The following LAMA2 variants were observed in gnomAD, a reference collection of about 807,000 sequenced individuals.
LAMA2 encodes the protein laminin subunit alpha 2.
In LAMA2, 269 loss-of-function variants were observed where a neutral mutation model predicts 364.8. That is an observed-to-expected ratio of 0.74 (90% CI 0.67 to 0.82). The LOEUF is 0.82. LAMA2 is among the 40% of genes least tolerant of loss of function. LAMA2 has a pLI of 0.00. For synonymous variants in LAMA2, 1,379 were observed against 1,370.6 expected (o/e 1.01, Z -0.14); for missense variants, 3,807 against 3,873.2 (o/e 0.98, Z 0.45).
chr6:129,497,653 T>TCTC (rs149961498), intron 58 of LAMA2, among the ~76,000 whole-genome samples: 4,373 of 152,282 alleles, frequency 0.029, 126 homozygotes, highest in African/African-American at 0.071. Context: ...ACAGAAAAGA[T>TCTC]CTATTCTCAG....
chr6:129,207,556 G>C (rs1223906838), intron 12 of LAMA2, among the ~76,000 whole-genome samples: 1 of 152,032 alleles, frequency 6.6e-6, no homozygotes, highest in Non-Finnish European at 1.5e-5. Flanking sequence ...GATCAATAGT[G>C]TAAGAATCAT....
chr6:129,364,471 A>C (rs1777647231), intron 32 of LAMA2, among the ~76,000 whole-genome samples: 2 of 151,262 alleles, frequency 1.3e-5, no homozygotes, highest in Non-Finnish European at 2.9e-5. Flanking sequence ...ATGAGAGTAT[A>C]TTATAAATGC....
chr6:129,178,636 T>C (rs1355005216), intron 10 of LAMA2, among the ~76,000 whole-genome samples: 3 of 152,172 alleles, frequency 2.0e-5, no homozygotes, highest in East Asian at 1.9e-4. Context: ...ACCATACTTA[T>C]GTAAAAATGA....
chr6:129,057,649 A>T (rs973221134), intron 2 of LAMA2, among the ~76,000 whole-genome samples: 8 of 152,176 alleles, frequency 5.3e-5, no homozygotes, highest in Non-Finnish European at 1.2e-4. Flanking sequence ...ATCAGAGATG[A>T]CACATAATGT....
Position 129,234,604 on chromosome 6 carries a change from A to G in LAMA2, c.1783-15508A>G, listed in dbSNP as rs1308809407. On this transcript the variant is annotated intron_variant, in intron 12 of 64. Coordinates refer to ENST00000421865, the MANE Select transcript of LAMA2 (RefSeq NM_000426.4). The stretch of plus-strand genomic sequence containing the variant: ...TTAAATTGAATAAGTAAATTTCATT[A>G]AAAACAAAATATTTATTTGGGGGTA... Among the ~76,000 whole-genome samples, 6 of 152,330 alleles carry G rather than the reference A, an allele frequency of 3.9e-5. No homozygotes were observed. The South Asian group carries it at 1.2e-3, about 32-fold the overall frequency.
chr6:129,459,246 A>T (rs1239301464), intron 48 of LAMA2, among the ~76,000 whole-genome samples: 3 of 152,124 alleles, frequency 2.0e-5, no homozygotes, highest in African/African-American at 7.2e-5. Flanking sequence ...ACCTAAACAT[A>T]AACAAGGTAC....
At chr6:128,950,069 T>A (rs1022734487) in intron 1 of LAMA2, among the ~76,000 whole-genome samples, 4 of 152,186 alleles carry the variant, frequency 2.6e-5, no homozygotes, top group Non-Finnish European at 5.9e-5. Flanking sequence ...TCAAATATTG[T>A]TTAAGTACTT....
intron 55 of LAMA2, among the ~76,000 whole-genome samples, chr6:129,481,888 TCATCC>T (rs1170783406): frequency 8.5e-5 from 13 of 152,316 alleles, no homozygotes; most frequent in South Asian, 8.3e-4. Flanking sequence ...TGGGCCTGAC[TCATCC>T]CATCCTCTCT....
chr6:129,461,365 CTT>C (rs1421723854), intron 49 of LAMA2, among the ~76,000 whole-genome samples: 1 of 152,004 alleles, frequency 6.6e-6, no homozygotes, highest in African/African-American at 2.4e-5. Flanking sequence ...ACTTCCAACT[CTT>C]TGTTTCTTTT....
chr6:128,883,479 C>A, intron 1 of LAMA2, 122 bp downstream of exon 1: 1 of 1,487,484 alleles, frequency 6.7e-7, no homozygotes, highest in Non-Finnish European at 9.1e-7. Flanking sequence ...AGAGAGTGCG[C>A]TCTGGGGCAA....
intron 48 of LAMA2, 88 bp downstream of exon 48, chr6:129,456,582 G>T (rs1178421579): frequency 6.5e-6 from 8 of 1,229,192 alleles, no homozygotes; most frequent in Non-Finnish European, 9.6e-6. Context: ...ATAAAGCTCT[G>T]TAAAACTTGA....
chr6:129,176,043 A>G (rs1780568850), intron 9 of LAMA2, among the ~76,000 whole-genome samples: 1 of 151,890 alleles, frequency 6.6e-6, no homozygotes, highest in African/African-American at 2.4e-5. Flanking sequence ...TATTTTTAAA[A>G]TAATGGACTA....
At chr6:129,004,514 G>A (rs1274288614) in intron 1 of LAMA2, among the ~76,000 whole-genome samples, 1 of 151,208 alleles carries the variant, frequency 6.6e-6, no homozygotes, top group East Asian at 2.0e-4. Flanking sequence ...GTACTTCTGG[G>A]AAATTTAGCC....
chr6:128,886,578 A>C (rs538135912), intron 1 of LAMA2, among the ~76,000 whole-genome samples: 105 of 152,316 alleles, frequency 6.9e-4, no homozygotes, highest in Non-Finnish European at 1.2e-3. Context: ...GAAGATTTTC[A>C]GAAGAGGAAT....
chr6:129,284,397 A>T (rs977629936), intron 18 of LAMA2, among the ~76,000 whole-genome samples: 2 of 152,100 alleles, frequency 1.3e-5, no homozygotes, highest in Non-Finnish European at 2.9e-5. Context: ...CTGCCATAAT[A>T]GCATTTGCAT....
At chr6:129,172,073 C>A (rs1780199783) in intron 9 of LAMA2, among the ~76,000 whole-genome samples, 1 of 147,088 alleles carries the variant, frequency 6.8e-6, no homozygotes, top group African/African-American at 2.5e-5. Flanking sequence ...GTTATACATT[C>A]TTCTACATTT....
At chr6:129,337,019 T>C (rs1775996478) in intron 29 of LAMA2, among the ~76,000 whole-genome samples, 1 of 152,212 alleles carries the variant, frequency 6.6e-6, no homozygotes, top group African/African-American at 2.4e-5. Flanking sequence ...TCAGGTAAGC[T>C]CACTTGTTTG....
rs191785268 is a variant in LAMA2 at position 129,453,996 on chromosome 6, T to C, written c.6574-159T>C. On this transcript the variant is annotated intron_variant, in intron 46 of 64. Coordinates refer to ENST00000421865, the MANE Select transcript of LAMA2 (RefSeq NM_000426.4). ...TAAAAATAAAATATTATTTTAATAA[T>C]GTATAATAATAAATAATATTATTTG... Among the ~76,000 whole-genome samples the C allele has an allele frequency of 9.9e-5, 15 of 150,888 alleles. No homozygotes were observed. In the East Asian group the frequency reaches 2.7e-3, roughly 27 times the overall value.
intron 51 of LAMA2, among the ~76,000 whole-genome samples, chr6:129,471,274 G>A (rs538829807): frequency 7.9e-5 from 12 of 151,952 alleles, no homozygotes; most frequent in South Asian, 2.1e-4. Context: ...CCACTTCATC[G>A]CTATCACTCA....
Sources: gnomAD v4.1 joint callset for allele counts (sites outside exome capture counted in the v4.1 genomes callset) on GRCh38, gnomAD v4.1.1 for gene constraint, MANE v1.5 for transcripts, NCBI Gene and HGNC (gene_info 2026-07-23, HGNC 2026-07-21) for gene names.